IRAK1BP1: variants seen among roughly 807,000 people sequenced by gnomAD.
The protein encoded by IRAK1BP1 is interleukin 1 receptor associated kinase 1 binding protein 1, also known as interleukin-1 receptor-associated kinase 1-binding protein 1.
IRAK1BP1 carries 24 observed loss-of-function variants against 28.0 expected under a neutral mutation model. The ratio of observed to expected loss-of-function variants is 0.86; its 90% CI spans 0.62 to 1.20. The LOEUF (loss-of-function observed/expected upper bound fraction) is 1.20. Among genes scored for constraint, IRAK1BP1 ranks in the 50% most tolerant of loss-of-function variants. The pLI, the probability that IRAK1BP1 is intolerant of heterozygous loss-of-function variation, is 0.00. For synonymous variants in IRAK1BP1, 131 were observed against 116.3 expected (o/e 1.13, Z -0.81); for missense variants, 336 against 316.7 (o/e 1.06, Z -0.46).
chr6:78,920,033 A>T (rs1489967383), intron 4 of IRAK1BP1, among the ~76,000 whole-genome samples: 1 of 152,178 alleles, frequency 6.6e-6, no homozygotes, highest in Admixed American at 6.6e-5. Context: ...AGACAGGTGG[A>T]TCACGAGGTC....
At chr6:78,881,905 C>G (rs1771243123) in intron 1 of IRAK1BP1, among the ~76,000 whole-genome samples, 1 of 151,934 alleles carries the variant, frequency 6.6e-6, no homozygotes, top group Non-Finnish European at 1.5e-5. Context: ...TTCTGTGATT[C>G]AGGATTAGAG....
In IRAK1BP1 at chr6:78,900,014, A is replaced by G. The variant is rs940822743; in HGVS notation, c.*1680A>G. 4 of 152,202 alleles carry G rather than the reference A, an allele frequency of 2.6e-5. No homozygotes were observed. Among genetic ancestry groups the G allele is most frequent in the African/African-American group, 9.6e-5 (4 of 41,458 alleles). The allele number at this position is 152,202 out of a possible 1,614,324, so 9.4% of individuals were successfully genotyped here. The stretch of plus-strand genomic sequence containing the variant: ...TTGAAAAAAAGAGATTCACATACCC[A>G]GGTTGTTCTAGCATGCCTAAAAAAT... On this transcript the variant is annotated 3_prime_UTR_variant, in exon 4 of 4. Transcript: ENST00000369940.
chr6:78,921,477 C>T (rs751369028), intron 4 of IRAK1BP1, among the ~76,000 whole-genome samples: 21 of 152,250 alleles, frequency 1.4e-4, no homozygotes, highest in Admixed American at 6.5e-4. Flanking sequence ...CTGCCTGCCT[C>T]TGTAGACTCC....
At chr6:78,890,004 C>T (rs189978048) in intron 2 of IRAK1BP1, among the ~76,000 whole-genome samples, 19 of 152,132 alleles carry the variant, frequency 1.2e-4, no homozygotes, top group East Asian at 3.9e-4. Flanking sequence ...ACAACAGCAA[C>T]GACTTGGAAC....
intron 2 of IRAK1BP1, among the ~76,000 whole-genome samples, chr6:78,886,094 C>T (rs1266005384): frequency 2.0e-5 from 3 of 152,036 alleles, no homozygotes; most frequent in African/African-American, 4.8e-5. Context: ...TAACAAGAAA[C>T]GAAGAGTGGG....
At chr6:78,974,843 T>G in the IRAK1BP1 span, among the ~76,000 whole-genome samples, 1 of 150,982 alleles carries the variant, frequency 6.6e-6, no homozygotes, top group Admixed American at 6.6e-5. Context: ...AATCTCTGAA[T>G]AGACCAATAA....
At chr6:78,880,003 T>A (rs770625363) in intron 1 of IRAK1BP1, among the ~76,000 whole-genome samples, 12 of 152,240 alleles carry the variant, frequency 7.9e-5, no homozygotes, top group Middle Eastern at 3.2e-3. Flanking sequence ...TGAAAGATAC[T>A]TTATCTCTTA....
At chr6:78,887,033 G>A (rs1174647260) in intron 2 of IRAK1BP1, among the ~76,000 whole-genome samples, 1 of 152,152 alleles carries the variant, frequency 6.6e-6, no homozygotes, top group East Asian at 1.9e-4. Flanking sequence ...GATACAAAAT[G>A]TACCAACCTA....
chr6:78,884,561 G>A (rs1319606625), intron 1 of IRAK1BP1, among the ~76,000 whole-genome samples: 2 of 151,990 alleles, frequency 1.3e-5, no homozygotes, highest in African/African-American at 4.8e-5. Flanking sequence ...ATATCATAGT[G>A]GTATAGCATC....
intron 4 of IRAK1BP1, chr6:78,939,589 GTATA>G (rs1177998158): frequency 6.6e-6 from 1 of 151,728 alleles, no homozygotes; most frequent in Non-Finnish European, 1.5e-5. Context: ...GTATGTGTTT[GTATA>G]TATATTTAAT....
At chr6:78,908,008 G>A (rs1287275398), downstream of IRAK1BP1, among the ~76,000 whole-genome samples, 1 of 149,636 alleles carries the variant, frequency 6.7e-6, no homozygotes, top group Non-Finnish European at 1.5e-5. Flanking sequence ...ATGAGGCACT[G>A]CACCCGGCCT....
chr6:78,886,844 T>C (rs1349771789), intron 2 of IRAK1BP1, among the ~76,000 whole-genome samples: 3 of 152,204 alleles, frequency 2.0e-5, no homozygotes. Context: ...ACTCTGCTCC[T>C]CTTCCTTCTG....
At chr6:78,974,983 A>T in the IRAK1BP1 span, among the ~76,000 whole-genome samples, 1 of 151,698 alleles carries the variant, frequency 6.6e-6, no homozygotes, top group Non-Finnish European at 1.5e-5. Context: ...AAACTATTCC[A>T]ATCAATAGAA....
At chr6:78,913,474 C>T (rs1402035777) in intron 4 of IRAK1BP1, among the ~76,000 whole-genome samples, 2 of 152,084 alleles carry the variant, frequency 1.3e-5, no homozygotes, top group Non-Finnish European at 2.9e-5. Flanking sequence ...GGTGAAACCC[C>T]ATCTGTACTA....
chr6:78,964,231 A>T, the IRAK1BP1 span, among the ~76,000 whole-genome samples: 96 of 152,288 alleles, frequency 6.3e-4, no homozygotes, highest in Admixed American at 2.0e-3. Flanking sequence ...GATAAAAAAA[A>T]ATATATTATT....
intron 4 of IRAK1BP1, among the ~76,000 whole-genome samples, chr6:78,913,853 TAGTG>T (rs1772488404): frequency 6.6e-6 from 1 of 152,158 alleles, no homozygotes; most frequent in South Asian, 2.1e-4. Flanking sequence ...TAAAATAAAA[TAGTG>T]AGCAGCAAAT....
the IRAK1BP1 span, chr6:78,954,727 CATA>C: frequency 1.3e-6 from 1 of 799,562 alleles, no homozygotes; most frequent in South Asian, 1.8e-5. Context: ...AAACTATAAT[CATA>C]AAAAGTAACT....
At chr6:78,928,389 CT>C (rs1469837621) in intron 4 of IRAK1BP1, among the ~76,000 whole-genome samples, 1 of 152,002 alleles carries the variant, frequency 6.6e-6, no homozygotes, top group African/African-American at 2.4e-5. Context: ...ACTGACTTTG[CT>C]TATCAGTTTT....
At chr6:78,928,380 C>T (rs1412199118) in intron 4 of IRAK1BP1, among the ~76,000 whole-genome samples, 1 of 152,096 alleles carries the variant, frequency 6.6e-6, no homozygotes, top group Admixed American at 6.6e-5. Context: ...TGCAACTTTA[C>T]TGACTTTGCT....
Sources: allele counts gnomAD v4.1 joint callset (sites outside exome capture counted in the v4.1 genomes callset), GRCh38; gene constraint gnomAD v4.1.1; transcripts MANE v1.5; gene names NCBI Gene and HGNC (gene_info 2026-07-23, HGNC 2026-07-21).